The following TRPV6 variants were observed in gnomAD, a reference collection of about 807,000 sequenced individuals.
TRPV6 encodes the protein transient receptor potential cation channel subfamily V member 6, also known as Alu-binding protein with zinc finger domain.
In TRPV6, 39 loss-of-function variants were observed where a neutral mutation model predicts 79.0. That is an observed-to-expected ratio of 0.49 (90% CI 0.38 to 0.64). The LOEUF is 0.64. TRPV6 is among the 30% of genes least tolerant of loss of function. The probability of loss-of-function intolerance (pLI) is 0.00; values close to 1 mark genes in which losing one functional copy is unlikely to be tolerated. For missense variants in TRPV6, 813 were observed against 1,011.1 expected, an observed-to-expected ratio of 0.80 and a Z score of 2.66; for synonymous variants, 373 against 391.9, an observed-to-expected ratio of 0.95 and a Z score of 0.57.
chr7:142,876,902 C>T, intron 4 of TRPV6, 65 bp from the exon 5 acceptor site: 2 of 1,584,612 alleles, frequency 1.3e-6, no homozygotes, highest in Non-Finnish European at 1.7e-6. Context: ...GACAGTCTCC[C>T]CCAAGTGACA....
chr7:142,874,884 G>A lies in TRPV6; in HGVS notation c.1406+20C>T, dbSNP rs747578895. 9.3e-6 allele frequency: 15 copies of A among 1,613,826 alleles called. No homozygotes were observed. Among genetic ancestry groups the A allele is most frequent in the East Asian group, 6.7e-5 (3 of 44,880 alleles). On this transcript the variant is annotated intron_variant, in intron 10 of 14. Transcript: ENST00000359396. Reference sequence around the variant, plus strand: ...AGCCCTGTTGAGGGAAGGGATGGGAGTGAGAGGAAGGAAACTCACATGAGG... The same window carrying A: ...AGCCCTGTTGAGGGAAGGGATGGGAATGAGAGGAAGGAAACTCACATGAGG...
At chr7:142,877,098 C>T in intron 4 of TRPV6, 44 bp downstream of exon 4, 1 of 1,590,908 alleles carries the variant, frequency 6.3e-7, no homozygotes, top group Non-Finnish European at 8.6e-7. Context: ...CTGCCTTGCC[C>T]ACCTTTCCAA....
Position 142,876,594 on chromosome 7 carries a change from C to G in TRPV6, c.707-11G>C. 2 of 1,613,840 alleles carry G rather than the reference C, an allele frequency of 1.2e-6. No individual in the cohort carries two copies. Among genetic ancestry groups the G allele is most frequent in the Non-Finnish European group, 1.7e-6 (2 of 1,179,840 alleles). On this transcript the variant is annotated splice_polypyrimidine_tract_variant and intron_variant, in intron 5 of 14. Coordinates refer to ENST00000359396, the MANE Select transcript of TRPV6 (RefSeq NM_018646.6). ...GTAACACTGTGTTTCCTGGGGAGGACACAGGGTATCATGTGGCCACTGGCC... is the reference window on the plus strand; with the variant it reads ...GTAACACTGTGTTTCCTGGGGAGGAGACAGGGTATCATGTGGCCACTGGCC...
chr7:142,876,887 G>C (rs1235439017), intron 4 of TRPV6, 50 bp from the exon 5 acceptor site: 1 of 1,603,680 alleles, frequency 6.2e-7, no homozygotes, highest in South Asian at 1.1e-5. Flanking sequence ...TGGCAGGATG[G>C]GGTGGACAGT....
intron 8 of TRPV6, 116 bp downstream of exon 8, chr7:142,875,352 C>T: frequency 7.7e-7 from 1 of 1,293,184 alleles, no homozygotes; most frequent in South Asian, 1.4e-5. Flanking sequence ...AGTTTGTACC[C>T]ATATATTTGA....
chr7:142,878,978 T>C (rs1320016922), intron 1 of TRPV6: 2 of 152,196 alleles, frequency 1.3e-5, no homozygotes, highest in Admixed American at 6.5e-5. Context: ...AGAGACAAGC[T>C]CAGGGGTCTC....
At position 142,875,861 on chromosome 7, in the gene TRPV6, G is replaced by A. The variant is rs201899094; in HGVS notation, c.926C>T (p.Thr309Met). ...GAGAGTCGAGGTCAGTGGTCCATAC[G>A]TCCACTGGGTGTGCTTCCGCTTCTG... is the stretch of plus-strand genomic sequence containing the variant. The change falls in exon 7 of 15, where the codon ACG becomes ATG. Residue 309 changes from threonine to methionine, a missense_variant. Transcript: ENST00000359396. 7.8e-4 allele frequency: 1,251 copies of A among 1,605,652 alleles called. No homozygotes were observed. Among genetic ancestry groups the A allele is most frequent in the Middle Eastern group, 2.2e-3 (13 of 5,998 alleles).
Position 142,885,443 on chromosome 7 carries a change from C to G in TRPV6, c.194G>C (p.Arg65Thr), listed in dbSNP as rs749287978. 8.7e-6 allele frequency: 14 copies of G among 1,613,870 alleles called. No homozygotes were observed. The highest frequency in any genetic ancestry group is 1.6e-4 in the Middle Eastern group (1 of 6,080). ...TCGGCTCTGGGCCCAGGACTCCCGT[C>G]TCTGGAACCATCTGCAGAACTTGCT... Residue 65 changes from arginine to threonine, a missense_variant, in exon 1 of 15, where the codon AGA (arginine) becomes ACA (threonine). Around this residue, in one of 3 missense-constraint regions of TRPV6, gnomAD observed 555 missense variants for 631.0 expected, o/e 0.88. Coordinates refer to ENST00000359396, the MANE Select transcript of TRPV6 (RefSeq NM_018646.6).
At chr7:142,885,058 C>T (rs1048720570) in intron 1 of TRPV6, 2 of 194,776 alleles carry the variant, frequency 1.0e-5, no homozygotes, top group Admixed American at 5.5e-5. Context: ...CCTCACCTGC[C>T]GTCCCCTCTT....
At chr7:142,877,395 G>A in intron 3 of TRPV6, 116 bp from the exon 4 acceptor site, 1 of 1,522,284 alleles carries the variant, frequency 6.6e-7, no homozygotes, top group South Asian at 1.3e-5. Context: ...AGAACAGGGA[G>A]CTCTCGGGTG....
chr7:142,875,719 C>T, intron 7 of TRPV6, 39 bp from the exon 8 acceptor site: 1 of 1,600,062 alleles, frequency 6.2e-7, no homozygotes. Context: ...GAGACCCTGA[C>T]ACCCCTCCCC....
chr7:142,877,518 G>A, intron 3 of TRPV6, 133 bp downstream of exon 3: 4 of 1,487,064 alleles, frequency 2.7e-6, no homozygotes, highest in Non-Finnish European at 3.6e-6. Flanking sequence ...ACACGGAAGG[G>A]AGACAGAGAA....
At chr7:142,876,639 A>G in intron 5 of TRPV6, 56 bp from the exon 6 acceptor site, 2 of 1,612,240 alleles carry the variant, frequency 1.2e-6, no homozygotes, top group South Asian at 2.2e-5. Context: ...TGATGTCCCC[A>G]TCCCCACCCT....
chr7:142,882,310 C>T (rs771684291), intron 1 of TRPV6: 1 of 152,320 alleles, frequency 6.6e-6, no homozygotes, highest in South Asian at 2.1e-4. Context: ...TCTTTACAAC[C>T]TTCTAACACC....
Position 142,885,694 on chromosome 7 carries a change from G to A in TRPV6, c.-58C>T. 2.5e-6 allele frequency: 2 copies of A among 793,572 alleles called. No homozygotes were observed. The highest frequency in any genetic ancestry group is 2.3e-5 in the South Asian group (1 of 44,242). The allele number at this position is 793,572 out of a possible 1,614,324, so 49.2% of individuals were successfully genotyped here. On this transcript the variant is annotated 5_prime_UTR_variant, in exon 1 of 15. Transcript: ENST00000359396. ...GGGAGTCTCCCAGCAGCCCCAGCCA[G>A]TTTGGAGAGGGCTGTGAGTTTGTTA...
chr7:142,874,149 G>A lies in TRPV6; in HGVS notation c.1573-7C>T, dbSNP rs780963351. ...TCAGGTCGCCAAAAATCATCTAGAA[G>A]GAGCAGGAGGCAGAGAACATCTGCA... On this transcript the variant is annotated splice_polypyrimidine_tract_variant and splice_region_variant and intron_variant, in intron 11 of 14. Coordinates refer to ENST00000359396, the MANE Select transcript of TRPV6 (RefSeq NM_018646.6). The A allele has an allele frequency of 5.6e-6, 9 of 1,613,086 alleles. No individual in the cohort carries two copies. In the South Asian group the frequency reaches 7.7e-5, roughly 14 times the overall value.
rs891764670 is a variant in TRPV6, at chr7:142,871,329, A to G, written c.*378T>C. The stretch of plus-strand genomic sequence containing the variant: ...TTCCACAAGCTCTGCACTTCCCTGC[A>G]CCTGCCTGGGTGCCCTGGGAAGGGC... On this transcript the variant is annotated 3_prime_UTR_variant, in exon 15 of 15. Coordinates refer to ENST00000359396, the MANE Select transcript of TRPV6 (RefSeq NM_018646.6). 2.2e-6 allele frequency: 1 copy of G among 451,044 alleles called. No homozygotes were observed. Among genetic ancestry groups the G allele is most frequent in the African/African-American group, 2.0e-5 (1 of 51,272 alleles). The allele number at this position is 451,044 out of a possible 1,614,324, so 27.9% of individuals were successfully genotyped here. A position where few individuals can be genotyped will look rare whatever the true frequency, so the allele number is the denominator to read the frequency against.
Position 142,875,737 on chromosome 7 carries a change from GC to G in TRPV6, c.1029+20del, listed in dbSNP as rs1563355019. 6.3e-6 allele frequency: 10 copies of G among 1,599,748 alleles called. No individual in the cohort carries two copies. The highest frequency in any genetic ancestry group is 7.7e-6 in the Non-Finnish European group (9 of 1,171,908). ...ACCCTGACACCCCTCCCCAGCCACA[GC>G]CTGCTGTCATGAGCCATACCTCCCG... On this transcript the variant is annotated intron_variant, in intron 7 of 14. Transcript: ENST00000359396.
chr7:142,876,617 G>T, intron 5 of TRPV6, 34 bp from the exon 6 acceptor site: 1 of 1,613,060 alleles, frequency 6.2e-7, no homozygotes, highest in Non-Finnish European at 8.5e-7. Context: ...GTGGCCACTG[G>T]CCTAAAGTCC....
Sources: allele counts gnomAD v4.1 joint callset, GRCh38; gene constraint gnomAD v4.1.1; regional missense constraint gnomAD v4.1.1; transcripts MANE v1.5; gene names NCBI Gene and HGNC (gene_info 2026-07-23, HGNC 2026-07-21).